The following TDRD3 variants were observed in gnomAD, a reference collection of about 807,000 sequenced individuals.
TDRD3 encodes the protein tudor domain containing 3.
Under a neutral mutation model 86.7 loss-of-function variants are expected in TDRD3, and 45 were observed. The observed-to-expected ratio is 0.52, with a 90% confidence interval of 0.41 to 0.67. TDRD3 has a LOEUF of 0.67. TDRD3 is among the 30% of genes least tolerant of loss of function. The probability of loss-of-function intolerance (pLI) is 0.00; values close to 1 mark genes in which losing one functional copy is unlikely to be tolerated. For synonymous variants in TDRD3, 298 were observed against 301.7 expected, an observed-to-expected ratio of 0.99 and a Z score of 0.13; for missense variants, 814 against 889.0, an observed-to-expected ratio of 0.92 and a Z score of 1.07.
chr13:60,492,304 C>G (rs945151609), intron 7 of TDRD3, among the ~76,000 whole-genome samples: 1 of 151,842 alleles, frequency 6.6e-6, no homozygotes, highest in Non-Finnish European at 1.5e-5. Context: ...CCAGACTTTT[C>G]AGGTAATTTT....
intron 8 of TDRD3, among the ~76,000 whole-genome samples, chr13:60,506,867 A>C (rs995585663): frequency 6.6e-6 from 1 of 152,224 alleles, no homozygotes; most frequent in Non-Finnish European, 1.5e-5. Context: ...TTAGCCTTAA[A>C]TGTAAATGGG....
intron 11 of TDRD3, among the ~76,000 whole-genome samples, chr13:60,530,998 A>G (rs969453904): frequency 2.0e-5 from 3 of 152,188 alleles, no homozygotes; most frequent in African/African-American, 7.2e-5. Flanking sequence ...ATGATAGAAT[A>G]AGGAGGAGTA....
chr13:60,572,699 C>T (rs1247670308), intron 13 of TDRD3, among the ~76,000 whole-genome samples: 1 of 152,180 alleles, frequency 6.6e-6, no homozygotes, highest in Non-Finnish European at 1.5e-5. Flanking sequence ...ACGTGTTAGT[C>T]AGAAACCTTA....
At chr13:60,495,165 C>T (rs1956686277) in intron 8 of TDRD3, among the ~76,000 whole-genome samples, 1 of 152,054 alleles carries the variant, frequency 6.6e-6, no homozygotes, top group Admixed American at 6.6e-5. Context: ...CAGCTTAAAC[C>T]ATGGAGGTTT....
chr13:60,559,019 T>C (rs1958271554), intron 12 of TDRD3, among the ~76,000 whole-genome samples: 1 of 151,314 alleles, frequency 6.6e-6, no homozygotes, highest in South Asian at 2.1e-4. Flanking sequence ...CACAATAAGC[T>C]AAGTTCCTGA....
chr13:60,510,648 G>T lies in TDRD3; in HGVS notation c.1034G>T (p.Gly345Val). Residue 345 changes from glycine (G) to valine (V), a missense_variant, in exon 10 of 14, where the codon GGG becomes GTG. Physicochemically the swap from Gly to Val is moderately radical, Grantham distance 109. Transcript: ENST00000377881. Reference protein sequence around the residue: ...PPLRGRGKGRGRIRSEDEEDL... With the variant: ...PPLRGRGKGRVRIRSEDEEDL... ...TCTAAAGGTAGAGGAAAAGGCAGGG[G>T]GCGAATAAGATCTGAAGATGAAGAG... The T allele has an allele frequency of 6.2e-7, 1 of 1,602,004 alleles. No individual in the cohort carries two copies. The highest frequency in any genetic ancestry group is 2.3e-5 in the East Asian group (1 of 44,388).
chr13:60,541,189 C>T (rs929754769), intron 12 of TDRD3, among the ~76,000 whole-genome samples: 14 of 149,254 alleles, frequency 9.4e-5, no homozygotes, highest in East Asian at 3.9e-4. Flanking sequence ...TTTTTTGAGA[C>T]GGAGCCTTGC....
At chr13:60,494,335 A>G (rs1257610988) in intron 7 of TDRD3, 100 bp from the exon 8 acceptor site, 6 of 1,215,190 alleles carry the variant, frequency 4.9e-6, no homozygotes, top group Non-Finnish European at 6.5e-6. Flanking sequence ...CATAATTAGG[A>G]AACTTAATTA....
chr13:60,551,981 C>T (rs529127566), intron 12 of TDRD3, among the ~76,000 whole-genome samples: 4 of 152,282 alleles, frequency 2.6e-5, no homozygotes, highest in Admixed American at 6.5e-5. Flanking sequence ...GTGGGGATTA[C>T]GATTTGAGAT....
intron 3 of TDRD3, among the ~76,000 whole-genome samples, chr13:60,447,430 T>C (rs1033375499): frequency 2.6e-5 from 4 of 152,170 alleles, no homozygotes; most frequent in Non-Finnish European, 5.9e-5. Context: ...CCTTACAACA[T>C]TGAAGACATA....
rs150521499 is a variant in TDRD3 at position 60,503,894 on chromosome 13, G to A, written c.859-5869G>A. ...TTGGTTTAAATGAAACCTTATAGAC[G>A]ATTCCATCTAATCTTAACCAGTTTG... On this transcript the variant is annotated intron_variant, in intron 8 of 13. Coordinates refer to ENST00000377881, the MANE Select transcript of TDRD3 (RefSeq NM_001146070.2). Among the ~76,000 whole-genome samples the A allele has an allele frequency of 6.8e-3, 1,040 of 152,202 alleles. 14 individuals are homozygous for A. The highest frequency in any genetic ancestry group is 0.023 in the African/African-American group (957 of 41,520).
At position 60,563,800 on chromosome 13, in the gene TDRD3, G is replaced by A. The variant is rs1958391052; in HGVS notation, c.2119-3725G>A. On this transcript the variant is annotated intron_variant, in intron 12 of 13. Transcript: ENST00000377881. ...AGTGTGTTCCAAGTGACCAATTTAT[G>A]ATGAACTTTTATAACACGGCTCATT... 2.6e-5 allele frequency among the ~76,000 whole-genome samples: 4 copies of A among 152,186 alleles called. No homozygotes were observed. In the South Asian group the frequency reaches 8.3e-4, roughly 31 times the overall value.
At position 60,397,333 on chromosome 13, in the gene TDRD3, G is replaced by GC. The variant is rs941758244; in HGVS notation, c.-26dup. 3.4e-6 allele frequency: 3 copies of GC among 878,868 alleles called. No homozygotes were observed. Among genetic ancestry groups the GC allele is most frequent in the Admixed American group, 2.9e-5 (1 of 34,634 alleles). 54.4% of individuals were successfully genotyped at this position (878,868 alleles called of 1,614,324 possible). A position where few individuals can be genotyped will look rare whatever the true frequency, so the allele number is the denominator to read the frequency against. ...AGGCCTCCCCATCACCCCCACCCCAGCCCCCCACCACCCCCGGCCTAAGCA... is the reference window on the plus strand; with the variant it reads ...AGGCCTCCCCATCACCCCCACCCCAGCCCCCCCACCACCCCCGGCCTAAGCA... On this transcript the variant is annotated 5_prime_UTR_variant, in exon 1 of 14. It removes the in-frame stop codon of an upstream open reading frame in the 5' UTR. Transcript: ENST00000377881.
chr13:60,529,231 A>T lies in TDRD3; in HGVS notation c.1992+14A>T. On this transcript the variant is annotated intron_variant, in intron 11 of 13. Coordinates refer to ENST00000377881, the MANE Select transcript of TDRD3 (RefSeq NM_001146070.2). ...GAAGACAACAAGGTATGGATGCTTTAAAGATATTATACACTAATATTACGA... is the reference window on the plus strand; with the variant it reads ...GAAGACAACAAGGTATGGATGCTTTTAAGATATTATACACTAATATTACGA... 6.4e-7 allele frequency: 1 copy of T among 1,564,856 alleles called. No homozygotes were observed. Among genetic ancestry groups the T allele is most frequent in the Admixed American group, 1.9e-5 (1 of 51,410 alleles).
chr13:60,441,585 GTAT>G (rs1955274936), intron 2 of TDRD3, among the ~76,000 whole-genome samples: 1 of 152,090 alleles, frequency 6.6e-6, no homozygotes, highest in Non-Finnish European at 1.5e-5. Context: ...GGCATTTGTA[GTAT>G]TCTGTTGAAT....
chr13:60,494,415 T>C lies in TDRD3; in HGVS notation c.718-20T>C. 2 of 1,599,368 alleles carry C rather than the reference T, an allele frequency of 1.3e-6. No individual in the cohort carries two copies. Among genetic ancestry groups the C allele is most frequent in the Non-Finnish European group, 1.7e-6 (2 of 1,171,864 alleles). ...AAATGCTGTCTACATACCTCTCTTT[T>C]ATCTTTCTCTTATGTAAAGACCAAG... On this transcript the variant is annotated intron_variant, in intron 7 of 13. Coordinates refer to ENST00000377881, the MANE Select transcript of TDRD3 (RefSeq NM_001146070.2).
At chr13:60,500,198 T>C (rs948163029) in intron 8 of TDRD3, among the ~76,000 whole-genome samples, 5 of 152,172 alleles carry the variant, frequency 3.3e-5, no homozygotes, top group Admixed American at 3.3e-4. Flanking sequence ...CAAGTCACCA[T>C]GCAACCTGAA....
intron 1 of TDRD3, among the ~76,000 whole-genome samples, chr13:60,432,745 T>G (rs1954985340): frequency 6.6e-6 from 1 of 152,316 alleles, no homozygotes; most frequent in African/African-American, 2.4e-5. Context: ...TTAATAGAAG[T>G]TATTTTTTAA....
intron 8 of TDRD3, among the ~76,000 whole-genome samples, chr13:60,507,762 GT>G (rs1227735392): frequency 6.6e-6 from 1 of 152,206 alleles, no homozygotes; most frequent in Non-Finnish European, 1.5e-5. Flanking sequence ...AGTATTGGAT[GT>G]TCTGGCCAGG....
Sources: gnomAD v4.1 joint callset for allele counts (sites outside exome capture counted in the v4.1 genomes callset) on GRCh38, gnomAD v4.1.1 for gene constraint, MANE v1.5 for transcripts, NCBI Gene and HGNC (gene_info 2026-07-23, HGNC 2026-07-21) for gene names.